UCP3: variants seen among roughly 807,000 people sequenced by gnomAD.
UCP3 encodes the protein uncoupling protein 3.
In UCP3, 24 loss-of-function variants were observed where a neutral mutation model predicts 28.1. The observed-to-expected ratio is 0.85, with a 90% CI of 0.62 to 1.20. The LOEUF is 1.20. UCP3 is among the 50% of genes most tolerant of loss of function. UCP3 has a pLI of 0.00. For missense variants in UCP3, 397 were observed against 422.2 expected (o/e 0.94, Z 0.52); for synonymous variants, 184 against 171.2 (o/e 1.07, Z -0.59).
intron 1 of UCP3, among the ~76,000 whole-genome samples, chr11:74,007,569 C>G (rs1443089494): frequency 6.6e-6 from 1 of 152,094 alleles, no homozygotes; most frequent in Non-Finnish European, 1.5e-5. Flanking sequence ...GTAGCTGGGA[C>G]TACAGGTGTG....
chr11:74,006,972 G>C lies in UCP3; in HGVS notation c.71C>G (p.Ala24Gly). ...AAAGGTAACGAGGTCAGCAAAACAG[G>C]CTGCTGTGCCTGCCCCCAGGAACTT... ...AVKFLGAGTA[A>G]CFADLVTFPL... The change falls in exon 2 of 7, where the codon GCC becomes GGC. Residue 24 changes from alanine to glycine, a missense_variant. Transcript: ENST00000314032. 1 of 1,614,214 alleles carries C rather than the reference G, an allele frequency of 6.2e-7. No homozygotes were observed. Among genetic ancestry groups the C allele is most frequent in the African/African-American group, 1.3e-5 (1 of 75,060 alleles).
intron 5 of UCP3, 90 bp from the exon 6 acceptor site, chr11:74,004,097 C>T: frequency 6.4e-7 from 1 of 1,556,280 alleles, no homozygotes; most frequent in Non-Finnish European, 8.7e-7. Context: ...ACCGTGAACT[C>T]CCTGAGCATA....
In UCP3 at chr11:74,001,641, A is replaced by C. The variant is rs567608903; in HGVS notation, c.825-115T>G. 532 of 888,316 alleles carry C rather than the reference A, an allele frequency of 6.0e-4. 3 individuals carry two copies. The highest frequency in any genetic ancestry group is 8.4e-4 in the Non-Finnish European group (458 of 545,260). 55.0% of individuals were successfully genotyped at this position (888,316 alleles called of 1,614,324 possible). A position where few individuals can be genotyped will look rare whatever the true frequency, so the allele number is the denominator to read the frequency against. ...GAGGATCCAGACTTCTGTTCATCAC[A>C]AGCATTTTCTGAATCCTTTCAGTCT... On this transcript the variant is annotated intron_variant, in intron 6 of 6. Transcript: ENST00000314032.
intron 6 of UCP3, among the ~76,000 whole-genome samples, chr11:74,002,531 TTAGTCG>T (rs1159802452): frequency 2.0e-4 from 30 of 152,232 alleles, no homozygotes; most frequent in African/African-American, 7.0e-4. Context: ...CCTTGTGGAG[TTAGTCG>T]TGCAGATTAG....
Position 74,003,113 on chromosome 11 carries a change from A to G in UCP3, c.824+714T>C, listed in dbSNP as rs780749362. 1.2e-5 allele frequency: 3 copies of G among 242,486 alleles called. No homozygotes were observed. The South Asian group carries it at 4.6e-4, about 37-fold the overall frequency. 15.0% of individuals were successfully genotyped at this position (242,486 alleles called of 1,614,324 possible). A position where few individuals can be genotyped will look rare whatever the true frequency, so the allele number is the denominator to read the frequency against. ...TAACGTGTGTAAAGTGCTCAGCACG[A>G]GGCCTAATATAGAGTGACTTAGCTA... On this transcript the variant is annotated intron_variant, in intron 6 of 6. Coordinates refer to ENST00000314032, the MANE Select transcript of UCP3 (RefSeq NM_003356.4).
chr11:74,003,972 C>T lies in UCP3; in HGVS notation c.679G>A (p.Ala227Thr), dbSNP rs777981481. 1 of 1,614,106 alleles carries T rather than the reference C, an allele frequency of 6.2e-7. No individual in the cohort carries two copies. The highest frequency in any genetic ancestry group is 8.5e-7 in the Non-Finnish European group (1 of 1,180,042). The change falls in exon 6 of 7, where the codon GCC becomes ACC. Residue 227 changes from alanine (A) to threonine (T), a missense_variant. Physicochemically the swap from Ala to Thr is moderately conservative, Grantham distance 58. Transcript: ENST00000314032. ...GCCACCACTGTGGCACAGAAGCCGG[C>T]TCCAAAGGCAGAGACAAAGTGGCAG... ...FPCHFVSAFGAGFCATVVASP... is the reference protein window; with the variant it reads ...FPCHFVSAFGTGFCATVVASP...
intron 1 of UCP3, among the ~76,000 whole-genome samples, chr11:74,008,770 G>C (rs1172895107): frequency 6.6e-6 from 1 of 152,172 alleles, no homozygotes; most frequent in East Asian, 1.9e-4. Flanking sequence ...TTGGGTTCAA[G>C]CCCCAGCCCT....
intron 1 of UCP3, 189 bp from the exon 2 acceptor site, chr11:74,007,326 C>G (rs540131174): frequency 8.5e-5 from 37 of 436,062 alleles, no homozygotes; most frequent in Non-Finnish European, 1.4e-4. Flanking sequence ...CCTCCTGACC[C>G]TCTCCCTCCC....
At chr11:74,002,905 C>A (rs1337193618) in intron 6 of UCP3, 1 of 985,328 alleles carries the variant, frequency 1.0e-6, no homozygotes, top group Non-Finnish European at 1.2e-6. Flanking sequence ...GTGAAAGGGC[C>A]AAGCTAAGAG....
intron 2 of UCP3, 127 bp from the exon 3 acceptor site, chr11:74,006,506 A>G: frequency 1.1e-6 from 1 of 949,184 alleles, no homozygotes; most frequent in Non-Finnish European, 1.5e-6. Context: ...GTCACAGTAG[A>G]AATCACTGGT....
intron 6 of UCP3, chr11:74,002,753 G>C: frequency 1.0e-6 from 1 of 985,392 alleles, no homozygotes. Context: ...GCACTTTTTG[G>C]AAGAACAGTC....
chr11:74,003,454 A>T (rs1951635237), intron 6 of UCP3: 7 of 998,852 alleles, frequency 7.0e-6, no homozygotes, highest in Non-Finnish European at 8.3e-6. Context: ...TTCCACGCAG[A>T]GGGAGCAGTA....
At position 74,005,892 on chromosome 11, in the gene UCP3, C is replaced by T. The variant is rs779715171; in HGVS notation, c.379G>A (p.Gly127Arg). Reference sequence around the variant, plus strand: ...TGGGCACAGGTCACCGCCATGGCTCCTGTGGTGCAGCCGGCCAAAATCCGG... The same window carrying T: ...TGGGCACAGGTCACCGCCATGGCTCTTGTGGTGCAGCCGGCCAAAATCCGG... ...TTRILAGCTT[G>R]AMAVTCAQPT... is the part of the protein sequence containing the mutation. The change falls in exon 4 of 7, where the codon GGA becomes AGA. Residue 127 changes from glycine to arginine, a missense_variant. Physicochemically the swap from Gly to Arg is moderately radical, Grantham distance 125 (BLOSUM62 -2). Transcript: ENST00000314032. The T allele has an allele frequency of 6.2e-7, 1 of 1,614,200 alleles. No individual in the cohort carries two copies. Among genetic ancestry groups the T allele is most frequent in the Non-Finnish European group, 8.5e-7 (1 of 1,180,038 alleles).
chr11:74,005,964 C>A (rs1432206119), intron 3 of UCP3, 31 bp from the exon 4 acceptor site: 1 of 1,612,078 alleles, frequency 6.2e-7, no homozygotes, highest in East Asian at 2.2e-5. Context: ...GGGCCAGTGT[C>A]CCCTACTAAG....
At chr11:74,005,094 T>C (rs149639341) in intron 4 of UCP3, among the ~76,000 whole-genome samples, 300 of 152,310 alleles carry the variant, frequency 2.0e-3, no homozygotes, top group African/African-American at 6.7e-3. Context: ...GCCCTTAAAC[T>C]TCACTGGGTC....
At chr11:74,004,166 C>G (rs1017419566) in intron 5 of UCP3, among the ~76,000 whole-genome samples, 159 bp from the exon 6 acceptor site, 5 of 152,228 alleles carry the variant, frequency 3.3e-5, no homozygotes, top group Admixed American at 3.3e-4. Context: ...TAAGTACTGG[C>G]AAACTAGGCC....
At chr11:74,004,165 G>A (rs1377553003) in intron 5 of UCP3, among the ~76,000 whole-genome samples, 158 bp from the exon 6 acceptor site, 1 of 152,210 alleles carries the variant, frequency 6.6e-6, no homozygotes, top group East Asian at 1.9e-4. Flanking sequence ...GTAAGTACTG[G>A]CAAACTAGGC....
At position 74,001,229 on chromosome 11, in the gene UCP3, G is replaced by A; in HGVS notation, c.*183C>T. 1.6e-6 allele frequency: 1 copy of A among 616,798 alleles called. No individual in the cohort carries two copies. Among genetic ancestry groups the A allele is most frequent in the Non-Finnish European group, 2.9e-6 (1 of 348,148 alleles). 38.2% of individuals were successfully genotyped at this position (616,798 alleles called of 1,614,324 possible). A position where few individuals can be genotyped will look rare whatever the true frequency, so the allele number is the denominator to read the frequency against. On this transcript the variant is annotated 3_prime_UTR_variant, in exon 7 of 7. Coordinates refer to ENST00000314032, the MANE Select transcript of UCP3 (RefSeq NM_003356.4). ...CAGTGCAAAACAAAGGTGTTCTTGA[G>A]GCATGGCAGTGAAGACCAGAATCCC...
intron 6 of UCP3, among the ~76,000 whole-genome samples, chr11:74,002,495 T>C (rs575810571): frequency 2.0e-5 from 3 of 152,158 alleles, no homozygotes; most frequent in Non-Finnish European, 4.4e-5. Flanking sequence ...TCCTTATCTG[T>C]AAAATGAGGA....
Sources: gnomAD v4.1 joint callset for allele counts (sites outside exome capture counted in the v4.1 genomes callset) on GRCh38, gnomAD v4.1.1 for gene constraint, MANE v1.5 for transcripts, NCBI Gene and HGNC (gene_info 2026-07-23, HGNC 2026-07-21) for gene names.